MYO3B: variants seen among roughly 807,000 people sequenced by gnomAD.
MYO3B encodes the protein myosin-IIIb.
Under a neutral mutation model 174.6 loss-of-function variants are expected in MYO3B, and 156 were observed. The observed-to-expected ratio is 0.89, with a 90% CI of 0.78 to 1.02. The LOEUF (loss-of-function observed/expected upper bound fraction) is 1.02. Ranked by LOEUF, MYO3B falls within the 50% of genes least tolerant of loss-of-function variation. The pLI is 0.00. For missense variants in MYO3B, 1,632 were observed against 1,639.4 expected (o/e 1.00, Z 0.08); for synonymous variants, 563 against 569.1 (o/e 0.99, Z 0.15).
intron 22 of MYO3B, among the ~76,000 whole-genome samples, chr2:170,422,724 G>A (rs2094626479): frequency 6.6e-6 from 1 of 151,888 alleles, no homozygotes; most frequent in African/African-American, 2.4e-5. Context: ...CCAAAGTGCT[G>A]GGATTACAGG....
chr2:170,555,466 T>C (rs963845746), intron 32 of MYO3B, among the ~76,000 whole-genome samples: 6 of 152,200 alleles, frequency 3.9e-5, no homozygotes, highest in African/African-American at 1.4e-4. Context: ...TTTTTTTATT[T>C]ATTTACTTAT....
intron 32 of MYO3B, among the ~76,000 whole-genome samples, chr2:170,634,717 C>A (rs1559183869): frequency 6.6e-6 from 1 of 152,096 alleles, no homozygotes; most frequent in Non-Finnish European, 1.5e-5. Flanking sequence ...TGCAATCTAC[C>A]CATCTGACAA....
chr2:170,321,564 T>G (rs1425055456), intron 7 of MYO3B, among the ~76,000 whole-genome samples: 1 of 152,120 alleles, frequency 6.6e-6, no homozygotes, highest in African/African-American at 2.4e-5. Flanking sequence ...TAGGAAAATA[T>G]AATTTAGTGA....
intron 8 of MYO3B, chr2:170,348,280 C>G (rs1466058313): frequency 3.3e-5 from 5 of 152,276 alleles, no homozygotes; most frequent in Admixed American, 2.6e-4. Context: ...CTCTGCCACC[C>G]AGGCTGGAGT....
At chr2:170,651,541 C>G (rs576798054) in intron 32 of MYO3B, 87 bp from the exon 33 acceptor site, 2 of 989,464 alleles carry the variant, frequency 2.0e-6, no homozygotes, top group Non-Finnish European at 3.2e-6. Flanking sequence ...ACAGTTTCTA[C>G]TAAGTGCATT....
At chr2:170,267,182 C>G (rs994055367) in intron 7 of MYO3B, among the ~76,000 whole-genome samples, 3 of 152,198 alleles carry the variant, frequency 2.0e-5, no homozygotes, top group Admixed American at 2.0e-4. Flanking sequence ...ACCTCACAGT[C>G]TTTGGGGAAC....
At chr2:170,297,189 T>A (rs2093634151) in intron 7 of MYO3B, among the ~76,000 whole-genome samples, 1 of 152,188 alleles carries the variant, frequency 6.6e-6, no homozygotes, top group Non-Finnish European at 1.5e-5. Flanking sequence ...GTGACTGAGG[T>A]ATGCCACTAG....
intron 32 of MYO3B, among the ~76,000 whole-genome samples, chr2:170,633,033 A>C (rs544041073): frequency 1.3e-5 from 2 of 152,222 alleles, no homozygotes; most frequent in Non-Finnish European, 2.9e-5. Context: ...GCCGAATTCT[A>C]CCAGAGGTAC....
At chr2:170,423,094 G>A (rs753241966) in intron 22 of MYO3B, among the ~76,000 whole-genome samples, 2 of 144,506 alleles carry the variant, frequency 1.4e-5, no homozygotes, top group Admixed American at 7.5e-5. Flanking sequence ...TGATTCTCCT[G>A]CCTCAGCCTC....
intron 1 of MYO3B, among the ~76,000 whole-genome samples, chr2:170,184,985 T>A (rs1479663662): frequency 6.6e-6 from 1 of 152,184 alleles, no homozygotes; most frequent in African/African-American, 2.4e-5. Flanking sequence ...TTTTGAGAAA[T>A]ATCTGTTTAG....
chr2:170,608,155 C>T (rs1694926931), intron 32 of MYO3B, among the ~76,000 whole-genome samples: 2 of 152,138 alleles, frequency 1.3e-5, no homozygotes, highest in African/African-American at 2.4e-5. Flanking sequence ...TTGCAGTGAG[C>T]CAAGATTGGG....
intron 7 of MYO3B, among the ~76,000 whole-genome samples, chr2:170,286,482 T>C (rs1413060025): frequency 6.6e-6 from 1 of 152,208 alleles, no homozygotes; most frequent in Non-Finnish European, 1.5e-5. Context: ...TTTCCTGGAT[T>C]ATATCTAGTC....
At chr2:170,224,977 G>A (rs1031407238) in intron 6 of MYO3B, among the ~76,000 whole-genome samples, 1 of 152,164 alleles carries the variant, frequency 6.6e-6, no homozygotes, top group African/African-American at 2.4e-5. Flanking sequence ...ATTTCCTTTG[G>A]CATTGCCAGG....
At chr2:170,592,095 G>C (rs1229285110) in intron 32 of MYO3B, among the ~76,000 whole-genome samples, 1 of 152,112 alleles carries the variant, frequency 6.6e-6, no homozygotes, top group East Asian at 1.9e-4. Context: ...TAAATCATTT[G>C]CCCAAAATCC....
chr2:170,408,120 A>G (rs553176788), intron 22 of MYO3B, among the ~76,000 whole-genome samples: 20 of 152,176 alleles, frequency 1.3e-4, no homozygotes, highest in Non-Finnish European at 2.4e-4. Flanking sequence ...CCTTCTTTTC[A>G]TTCTTCCCTT....
At chr2:170,237,153 T>G (rs1056768999) in intron 7 of MYO3B, among the ~76,000 whole-genome samples, 1 of 152,178 alleles carries the variant, frequency 6.6e-6, no homozygotes, top group Non-Finnish European at 1.5e-5. Flanking sequence ...TCACAGCGAT[T>G]AGAGGAGCAG....
Position 170,646,552 on chromosome 2 carries a change from G to A in MYO3B, c.3734-5076G>A, listed in dbSNP as rs889962974. On this transcript the variant is annotated intron_variant, in intron 32 of 34. Coordinates refer to ENST00000408978, the MANE Select transcript of MYO3B (RefSeq NM_138995.5). ...TGGGACCATAGGTGCATGCCAACAT[G>A]CCTGGCTAATTTTTTGTATTTTTTG... 4.6e-5 allele frequency among the ~76,000 whole-genome samples: 7 copies of A among 151,848 alleles called. No homozygotes were observed. The East Asian group carries it at 1.4e-3, about 30-fold the overall frequency.
chr2:170,407,999 T>C (rs1490369525), intron 22 of MYO3B, among the ~76,000 whole-genome samples, 155 bp downstream of exon 22: 2 of 152,240 alleles, frequency 1.3e-5, no homozygotes, highest in Non-Finnish European at 2.9e-5. Flanking sequence ...AGGAAAATGT[T>C]TGTTTCTTTT....
At chr2:170,583,154 A>ACC (rs1693263382) in intron 32 of MYO3B, among the ~76,000 whole-genome samples, 1 of 145,236 alleles carries the variant, frequency 6.9e-6, no homozygotes, top group Admixed American at 7.4e-5. Context: ...GTGTGTAACT[A>ACC]CCCCTTGTCT....
Sources: gnomAD v4.1 joint callset for allele counts (sites outside exome capture counted in the v4.1 genomes callset) on GRCh38, gnomAD v4.1.1 for gene constraint, MANE v1.5 for transcripts, NCBI Gene and HGNC (gene_info 2026-07-23, HGNC 2026-07-21) for gene names.